The following NELL1 variants were observed in gnomAD, a reference collection of about 807,000 sequenced individuals.
NELL1 encodes protein kinase C-binding protein NELL1.
Under a neutral mutation model 107.4 loss-of-function variants are expected in NELL1, and 76 were observed. That is an observed-to-expected ratio of 0.71 (90% CI 0.59 to 0.86). NELL1 has a LOEUF of 0.86. Among genes scored for constraint, NELL1 ranks in the 40% least tolerant of loss-of-function variants. The pLI is 0.00. For missense variants in NELL1, 1,024 were observed against 1,005.5 expected, an observed-to-expected ratio of 1.02 and a Z score of -0.25; for synonymous variants, 353 against 341.2, an observed-to-expected ratio of 1.03 and a Z score of -0.38.
At chr11:21,504,755 C>T (rs1365459649) in intron 15 of NELL1, among the ~76,000 whole-genome samples, 1 of 152,108 alleles carries the variant, frequency 6.6e-6, no homozygotes, top group African/African-American at 2.4e-5. Flanking sequence ...CATTCACTAG[C>T]TCGAAGCAGA....
intron 15 of NELL1, among the ~76,000 whole-genome samples, chr11:21,447,723 C>T (rs1853469419): frequency 6.6e-6 from 1 of 152,158 alleles, no homozygotes; most frequent in Non-Finnish European, 1.5e-5. Flanking sequence ...TGGCTTGTGT[C>T]TTACTTGCCT....
At chr11:21,279,602 C>A (rs1848945967) in intron 14 of NELL1, among the ~76,000 whole-genome samples, 1 of 152,152 alleles carries the variant, frequency 6.6e-6, no homozygotes, top group African/African-American at 2.4e-5. Context: ...CTAACAGCAC[C>A]AAATCCTCAA....
rs115478803 is a variant in NELL1, at chr11:21,530,832, G to A, written c.1646-3542G>A. ...ACACCAGGAAATCTTGGGGTATTTT[G>A]AAAATCTCCATTATAGCCTTGGTTA... On this transcript the variant is annotated intron_variant, in intron 15 of 19. Coordinates refer to ENST00000357134, the MANE Select transcript of NELL1 (RefSeq NM_006157.5). 9.5e-3 allele frequency among the ~76,000 whole-genome samples: 1,445 copies of A among 152,094 alleles called. 21 individuals are homozygous for A. Among genetic ancestry groups the A allele is most frequent in the African/African-American group, 0.033 (1,377 of 41,506 alleles).
At chr11:21,164,136 T>A (rs1237261986) in intron 13 of NELL1, among the ~76,000 whole-genome samples, 3 of 152,188 alleles carry the variant, frequency 2.0e-5, no homozygotes, top group Non-Finnish European at 4.4e-5. Context: ...TGTGGGAATA[T>A]AAGTTTCTGT....
At chr11:21,028,713 T>C (rs1353056272) in intron 12 of NELL1, among the ~76,000 whole-genome samples, 2 of 152,144 alleles carry the variant, frequency 1.3e-5, no homozygotes, top group Non-Finnish European at 2.9e-5. Context: ...TTCCCTTTTC[T>C]TATTTCTCCC....
chr11:20,805,925 A>G (rs1857373247), intron 3 of NELL1, among the ~76,000 whole-genome samples: 1 of 152,206 alleles, frequency 6.6e-6, no homozygotes, highest in African/African-American at 2.4e-5. Context: ...TGTTTTATTT[A>G]TATCTTATTG....
intron 13 of NELL1, among the ~76,000 whole-genome samples, chr11:21,203,108 G>A (rs1382019659): frequency 6.6e-6 from 1 of 152,192 alleles, no homozygotes; most frequent in East Asian, 1.9e-4. Flanking sequence ...TTGATCTGAG[G>A]TGGAGAGTTC....
At chr11:21,309,191 A>G (rs953955020) in intron 14 of NELL1, among the ~76,000 whole-genome samples, 1 of 148,526 alleles carries the variant, frequency 6.7e-6, no homozygotes, top group Non-Finnish European at 1.5e-5. Context: ...TCAAACTCCA[A>G]AGCTGGTTTT....
chr11:21,309,280 G>GTATATATATATATATATGTA lies in NELL1; in HGVS notation c.1550-61556_1550-61555insGTATATATATATATATATAT, dbSNP rs1849684243. Among the ~76,000 whole-genome samples, 3 of 108,606 alleles carry GTATATATATATATATATGTA rather than the reference G, an allele frequency of 2.8e-5. No individual in the cohort carries two copies. In the East Asian group the frequency reaches 7.8e-4, roughly 28 times the overall value. 71.2% of individuals were successfully genotyped at this position (108,606 alleles called of 152,430 possible). The stretch of plus-strand genomic sequence containing the variant: ...TATATGTATATATATATATATATAT[G>GTATATATATATATATATGTA]TATATATATATATATATATGTATAT... On this transcript the variant is annotated intron_variant, in intron 14 of 19. Transcript: ENST00000357134.
intron 14 of NELL1, chr11:21,283,743 G>C (rs1849048138): frequency 6.0e-6 from 1 of 165,302 alleles, no homozygotes; most frequent in Admixed American, 5.7e-5. Flanking sequence ...AAAGAGCACA[G>C]CTTTTCACAC....
intron 2 of NELL1, among the ~76,000 whole-genome samples, chr11:20,719,747 A>G (rs543780981): frequency 3.9e-5 from 6 of 152,336 alleles, no homozygotes; most frequent in Middle Eastern, 3.4e-3. Context: ...CTTTTAGTCT[A>G]AGATAGTGTG....
intron 3 of NELL1, among the ~76,000 whole-genome samples, chr11:20,833,405 A>G (rs1452726997): frequency 6.6e-6 from 1 of 152,180 alleles, no homozygotes; most frequent in East Asian, 1.9e-4. Context: ...TTGTTGTATC[A>G]CAATCAGCAC....
chr11:20,913,855 G>A (rs1215102969), intron 5 of NELL1, among the ~76,000 whole-genome samples: 4 of 119,922 alleles, frequency 3.3e-5, no homozygotes, highest in Non-Finnish European at 6.8e-5. Context: ...GGGGCGGGGG[G>A]ATGGGGGGAA....
chr11:20,830,960 G>A (rs1857996257), intron 3 of NELL1, among the ~76,000 whole-genome samples: 1 of 152,104 alleles, frequency 6.6e-6, no homozygotes, highest in African/African-American at 2.4e-5. Context: ...TTTTGGTGGG[G>A]ACAAACCATA....
chr11:21,358,285 G>T (rs1437775723), intron 14 of NELL1, among the ~76,000 whole-genome samples: 1 of 152,140 alleles, frequency 6.6e-6, no homozygotes, highest in Non-Finnish European at 1.5e-5. Flanking sequence ...AGCATAGGAT[G>T]TGTCTCCATT....
At chr11:20,831,174 C>A (rs138930416) in intron 3 of NELL1, among the ~76,000 whole-genome samples, 30 of 152,288 alleles carry the variant, frequency 2.0e-4, no homozygotes, top group African/African-American at 7.2e-4. Flanking sequence ...TAGGAAATTT[C>A]ATCTCCAGTT....
intron 15 of NELL1, among the ~76,000 whole-genome samples, chr11:21,452,747 G>A (rs1383826389): frequency 6.6e-6 from 1 of 151,734 alleles, no homozygotes; most frequent in East Asian, 1.9e-4. Flanking sequence ...CCTTAAGGTA[G>A]TAGCTTAGAT....
At chr11:21,555,914 A>G (rs1440537653) in intron 16 of NELL1, among the ~76,000 whole-genome samples, 1 of 151,926 alleles carries the variant, frequency 6.6e-6, no homozygotes, top group African/African-American at 2.4e-5. Flanking sequence ...CAAGTGTGGT[A>G]TGGCCAGCAC....
intron 12 of NELL1, among the ~76,000 whole-genome samples, chr11:21,111,474 C>T (rs1855105909): frequency 6.6e-6 from 1 of 152,052 alleles, no homozygotes; most frequent in Non-Finnish European, 1.5e-5. Flanking sequence ...ATTCTCTGCA[C>T]CAATCAGGGA....
Sources: allele counts gnomAD v4.1 joint callset (sites outside exome capture counted in the v4.1 genomes callset), GRCh38; gene constraint gnomAD v4.1.1; transcripts MANE v1.5; gene names NCBI Gene and HGNC (gene_info 2026-07-23, HGNC 2026-07-21).